KIAA1958: variants seen among roughly 807,000 people sequenced by gnomAD.
KIAA1958 encodes KIAA1958.
In KIAA1958, 14 loss-of-function variants were observed where a neutral mutation model predicts 47.2. The observed-to-expected ratio is 0.30, with a 90% CI of 0.20 to 0.46. The LOEUF is 0.46. Among genes scored for constraint, KIAA1958 ranks in the 20% least tolerant of loss-of-function variants. The pLI is 1.00. For synonymous variants in KIAA1958, 354 were observed against 353.3 expected (o/e 1.00, Z -0.02); for missense variants, 803 against 909.2 (o/e 0.88, Z 1.50).
intron 2 of KIAA1958, among the ~76,000 whole-genome samples, chr9:112,590,739 G>GT (rs1193402014): frequency 2.0e-5 from 3 of 152,112 alleles, no homozygotes; most frequent in African/African-American, 7.2e-5. Context: ...AGGGGCCAAC[G>GT]TAATGATGAA....
chr9:112,516,463 A>G (rs551266044), intron 1 of KIAA1958, among the ~76,000 whole-genome samples: 2 of 152,360 alleles, frequency 1.3e-5, no homozygotes, highest in Admixed American at 1.3e-4. Flanking sequence ...TAAAAGGCTT[A>G]AATAAGTCGA....
chr9:112,540,202 A>G (rs1422993119), intron 1 of KIAA1958, among the ~76,000 whole-genome samples: 1 of 152,220 alleles, frequency 6.6e-6, no homozygotes, highest in African/African-American at 2.4e-5. Flanking sequence ...TTATCAAGAT[A>G]GGAGGGTGCT....
chr9:112,634,770 G>A (rs1211870430), intron 2 of KIAA1958, among the ~76,000 whole-genome samples: 2 of 152,218 alleles, frequency 1.3e-5, no homozygotes, highest in Admixed American at 6.5e-5. Context: ...CATTTTAGTG[G>A]AATTCTGTTT....
intron 2 of KIAA1958, among the ~76,000 whole-genome samples, chr9:112,576,701 T>C (rs950281724): frequency 8.5e-5 from 13 of 152,222 alleles, no homozygotes; most frequent in African/African-American, 2.4e-4. Flanking sequence ...CAAATAATAT[T>C]TTGTTGTATG....
intron 1 of KIAA1958, among the ~76,000 whole-genome samples, chr9:112,531,824 A>G (rs1164220064): frequency 6.6e-6 from 1 of 152,250 alleles, no homozygotes; most frequent in Non-Finnish European, 1.5e-5. Context: ...ACACGAATGG[A>G]TCAAAGTCCA....
At chr9:112,608,798 G>T (rs1348047781) in intron 2 of KIAA1958, among the ~76,000 whole-genome samples, 1 of 152,094 alleles carries the variant, frequency 6.6e-6, no homozygotes, top group Non-Finnish European at 1.5e-5. Context: ...CACCTGCTCA[G>T]GAGGCTGAGG....
chr9:112,653,587 T>C (rs1358511615), intron 3 of KIAA1958, among the ~76,000 whole-genome samples: 1 of 152,130 alleles, frequency 6.6e-6, no homozygotes, highest in African/African-American at 2.4e-5. Context: ...GGCAACACCA[T>C]GCACTAAGCC....
At chr9:112,595,959 A>C (rs1038202059) in intron 2 of KIAA1958, among the ~76,000 whole-genome samples, 1 of 151,996 alleles carries the variant, frequency 6.6e-6, no homozygotes, top group East Asian at 2.0e-4. Context: ...CTAATTTTGC[A>C]TTTTTAGTAA....
chr9:112,561,573 G>A (rs1430565496), intron 1 of KIAA1958, among the ~76,000 whole-genome samples: 1 of 152,064 alleles, frequency 6.6e-6, no homozygotes, highest in Non-Finnish European at 1.5e-5. Context: ...AAGAAACTCG[G>A]GCTGGGTGCA....
intron 2 of KIAA1958, among the ~76,000 whole-genome samples, chr9:112,611,546 G>A (rs1836326557): frequency 6.6e-6 from 1 of 151,810 alleles, no homozygotes; most frequent in South Asian, 2.1e-4. Flanking sequence ...AAAAAAATTG[G>A]GGTGGGGAGA....
intron 2 of KIAA1958, among the ~76,000 whole-genome samples, chr9:112,612,246 C>T (rs1161613772): frequency 6.8e-6 from 1 of 146,702 alleles, no homozygotes; most frequent in Non-Finnish European, 1.5e-5. Context: ...CCATCTCTAA[C>T]AAAAAAAAAA....
chr9:112,543,676 G>A (rs1225830760), intron 1 of KIAA1958, among the ~76,000 whole-genome samples: 4 of 149,930 alleles, frequency 2.7e-5, no homozygotes, highest in African/African-American at 9.9e-5. Context: ...AGGTTCAAGT[G>A]ATTCTCCTGC....
At chr9:112,650,742 C>T (rs1837043255) in intron 3 of KIAA1958, among the ~76,000 whole-genome samples, 1 of 152,164 alleles carries the variant, frequency 6.6e-6, no homozygotes, top group South Asian at 2.1e-4. Flanking sequence ...AAGAGAGATA[C>T]TGTCGGACTG....
intron 2 of KIAA1958, among the ~76,000 whole-genome samples, chr9:112,621,576 T>C (rs183816372): frequency 1.4e-4 from 22 of 152,348 alleles, no homozygotes; most frequent in African/African-American, 4.8e-4. Context: ...TTAATCATAT[T>C]GCATCTTCAT....
intron 2 of KIAA1958, among the ~76,000 whole-genome samples, chr9:112,636,565 T>G (rs912902369): frequency 6.6e-6 from 1 of 152,130 alleles, no homozygotes; most frequent in African/African-American, 2.4e-5. Flanking sequence ...TGTTATCAGA[T>G]CCATACAAAA....
intron 2 of KIAA1958, among the ~76,000 whole-genome samples, chr9:112,635,666 A>C (rs1307896215): frequency 6.6e-6 from 1 of 152,196 alleles, no homozygotes; most frequent in South Asian, 2.1e-4. Context: ...ATTGATTGAC[A>C]TAATCAAGTT....
In KIAA1958 at chr9:112,550,704, A is replaced by G. The variant is rs571645845; in HGVS notation, c.-24-23353A>G. Among the ~76,000 whole-genome samples the G allele has an allele frequency of 7.2e-5, 11 of 152,294 alleles. No individual in the cohort carries two copies. In the South Asian group the frequency reaches 2.3e-3, roughly 32 times the overall value. On this transcript the variant is annotated intron_variant, in intron 1 of 3. Transcript: ENST00000337530. ...TGTCTCCCAACGACAATGCATGACA[A>G]AACATGTGAAGTATTACCAACCAGG...
intron 1 of KIAA1958, among the ~76,000 whole-genome samples, chr9:112,541,402 A>G (rs1834939712): frequency 6.6e-6 from 1 of 152,204 alleles, no homozygotes; most frequent in African/African-American, 2.4e-5. Flanking sequence ...AGCAAAAATA[A>G]TACCCAAAGG....
In KIAA1958 at chr9:112,486,874, C is replaced by A. The variant is rs1043486723; in HGVS notation, c.-269C>A. On this transcript the variant is annotated 5_prime_UTR_variant, in exon 1 of 4. Coordinates refer to ENST00000337530, the MANE Select transcript of KIAA1958 (RefSeq NM_133465.4). The stretch of plus-strand genomic sequence containing the variant: ...CGAGCCGGGCGCGCGGAGCTCGGGG[C>A]GCACGGAGCGGCGCGCGGCGGTCGG... The A allele has an allele frequency of 1.4e-5, 2 of 141,728 alleles. No homozygotes were observed. The highest frequency in any genetic ancestry group is 2.5e-5 in the African/African-American group (1 of 39,600). 8.8% of individuals were successfully genotyped at this position (141,728 alleles called of 1,614,324 possible).
Sources: gnomAD v4.1 joint callset for allele counts (sites outside exome capture counted in the v4.1 genomes callset) on GRCh38, gnomAD v4.1.1 for gene constraint, MANE v1.5 for transcripts, NCBI Gene and HGNC (gene_info 2026-07-23, HGNC 2026-07-21) for gene names.